DNAAF6: variants seen among roughly 807,000 people sequenced by gnomAD.
DNAAF6 encodes dynein axonemal assembly factor 6.
A neutral mutation model predicts 13.7 loss-of-function variants in DNAAF6; 3 were observed. The observed-to-expected ratio is 0.22, with a 90% confidence interval of 0.10 to 0.56. DNAAF6 has a LOEUF of 0.56. Ranked by LOEUF, DNAAF6 falls within the 20% of genes least tolerant of loss-of-function variation. The pLI is 0.92. For missense variants in DNAAF6, 130 were observed against 151.0 expected (o/e 0.86, Z 0.73); for synonymous variants, 54 against 49.2 (o/e 1.10, Z -0.41).
At chrX:107,239,028 G>T in intron 6 of DNAAF6, 21 bp downstream of exon 6, 1 of 1,185,866 alleles carries the variant, frequency 8.4e-7, no homozygotes, top group South Asian at 1.9e-5. Context: ...CTTAGAACTG[G>T]AATAGTGTAT....
In DNAAF6 at chrX:107,243,214, C is replaced by T. The variant is rs1316929311; in HGVS notation, c.561C>T (p.Ala187=). ...TLPELVECTS[A]KAFYIPETET... ...CTGAGCTGGTGGAATGTACCAGTGCCAAAGCATTCTATATCCCAGAGACTG... is the reference window on the plus strand; with the variant it reads ...CTGAGCTGGTGGAATGTACCAGTGCTAAAGCATTCTATATCCCAGAGACTG... Residue 187 remains alanine, a synonymous_variant, in exon 7 of 7, where the codon GCC becomes GCT. Coordinates refer to ENST00000372453, the MANE Select transcript of DNAAF6 (RefSeq NM_173494.2). 9 of 1,206,792 alleles carry T rather than the reference C, an allele frequency of 7.5e-6. No homozygotes were observed. The highest frequency in any genetic ancestry group is 1.0e-5 in the Non-Finnish European group (9 of 894,211).
intron 5 of DNAAF6, among the ~76,000 whole-genome samples, chrX:107,237,450 A>G (rs1332880787): frequency 3.6e-5 from 4 of 112,525 alleles, no homozygotes; most frequent in African/African-American, 1.3e-4. Context: ...TCCATCAGAA[A>G]GAGAAAGCAT....
intron 5 of DNAAF6, among the ~76,000 whole-genome samples, chrX:107,233,888 A>C (rs906656162): frequency 1.8e-5 from 2 of 112,082 alleles, no homozygotes; most frequent in African/African-American, 6.5e-5. Flanking sequence ...ACATAATAGG[A>C]GATATGAAGA....
rs1288844108 is a variant in DNAAF6, at chrX:107,238,946, A to C, written c.454A>C (p.Asn152His). 2 of 1,208,398 alleles carry C rather than the reference A, an allele frequency of 1.7e-6. No individual in the cohort carries two copies. The highest frequency in any genetic ancestry group is 2.2e-5 in the Admixed American group (1 of 45,388). The stretch of plus-strand genomic sequence containing the variant: ...GGCTAAAATTAAATTGCCAAATACA[A>C]ACCCTTCTGATATTCAAATTGATAT... ...LVAKIKLPNT[N>H]PSDIQIDIQE... The change falls in exon 6 of 7, where the codon AAC (asparagine) becomes CAC (histidine). Residue 152 changes from asparagine to histidine, a missense_variant. Physicochemically the swap from Asn to His is moderately conservative, Grantham distance 68. Transcript: ENST00000372453.
chrX:107,229,896 C>T (rs372035667), intron 5 of DNAAF6, among the ~76,000 whole-genome samples: 2 of 110,014 alleles, frequency 1.8e-5, no homozygotes, highest in East Asian at 2.9e-4. Context: ...ACCGTGTTAG[C>T]CAGGATGGTC....
chrX:107,236,683 C>T lies in DNAAF6; in HGVS notation c.430-2239C>T, dbSNP rs1928522010. The stretch of plus-strand genomic sequence containing the variant: ...TAGAACAGCAAATGATTTTAAGAAC[C>T]ATTTTAAAGTTCTACCCAGAAATTG... On this transcript the variant is annotated intron_variant, in intron 5 of 6. Coordinates refer to ENST00000372453, the MANE Select transcript of DNAAF6 (RefSeq NM_173494.2). Among the ~76,000 whole-genome samples the T allele has an allele frequency of 3.6e-5, 4 of 111,985 alleles. No homozygotes were observed. In the South Asian group the frequency reaches 1.5e-3, roughly 42 times the overall value.
intron 4 of DNAAF6, 39 bp downstream of exon 4, chrX:107,219,008 A>C: frequency 2.7e-6 from 3 of 1,123,920 alleles, no homozygotes; most frequent in Non-Finnish European, 3.5e-6. Context: ...TAGGAGTTTA[A>C]GTTAGCTGTG....
At chrX:107,240,021 G>T (rs757551661) in intron 6 of DNAAF6, among the ~76,000 whole-genome samples, 1 of 111,876 alleles carries the variant, frequency 8.9e-6, no homozygotes, top group Non-Finnish European at 1.9e-5. Context: ...ACACCATGGG[G>T]TTAATTTCCG....
chrX:107,227,899 A>G (rs1928291582), intron 5 of DNAAF6, among the ~76,000 whole-genome samples: 1 of 111,342 alleles, frequency 9.0e-6, no homozygotes, highest in Non-Finnish European at 1.9e-5. Flanking sequence ...TGTGTTTGAA[A>G]TAGGCTATGG....
intron 5 of DNAAF6, among the ~76,000 whole-genome samples, chrX:107,225,026 A>T (rs758019331): frequency 5.5e-4 from 59 of 108,126 alleles, no homozygotes; most frequent in Middle Eastern, 4.8e-3. Flanking sequence ...CAACATTCTA[A>T]AAAGGGCATT....
At chrX:107,214,033 A>C (rs765564391) in intron 2 of DNAAF6, among the ~76,000 whole-genome samples, 28 of 111,748 alleles carry the variant, frequency 2.5e-4, no homozygotes, top group African/African-American at 8.4e-4. Context: ...ACCCTAAGGA[A>C]GAGCTTAGGT....
At chrX:107,213,458 C>T (rs892885626) in intron 2 of DNAAF6, among the ~76,000 whole-genome samples, 1 of 112,037 alleles carries the variant, frequency 8.9e-6, no homozygotes, top group African/African-American at 3.2e-5. Context: ...TACACATTAA[C>T]GCAGAACAGA....
chrX:107,221,303 C>T (rs1330956966), intron 4 of DNAAF6, among the ~76,000 whole-genome samples: 1 of 109,528 alleles, frequency 9.1e-6, no homozygotes, highest in Non-Finnish European at 1.9e-5. Context: ...CGCCAACCAC[C>T]GCCCCCCCGG....
chrX:107,216,834 T>G (rs1928002388), intron 3 of DNAAF6, 91 bp downstream of exon 3: 1 of 586,612 alleles, frequency 1.7e-6, no homozygotes, highest in African/African-American at 2.3e-5. Context: ...ATACTAGTAT[T>G]TATTAAGATG....
intron 1 of DNAAF6, among the ~76,000 whole-genome samples, chrX:107,211,566 G>A (rs1274661814): frequency 8.9e-6 from 1 of 112,024 alleles, no homozygotes; most frequent in Admixed American, 9.5e-5. Flanking sequence ...AAGAATTATT[G>A]TGAATAATTT....
chrX:107,237,923 GT>G (rs1928553270), intron 5 of DNAAF6, among the ~76,000 whole-genome samples: 1 of 112,509 alleles, frequency 8.9e-6, no homozygotes. Context: ...AGAGGTTGCA[GT>G]GAGCCGAGAT....
chrX:107,219,096 G>A (rs1928063222), intron 4 of DNAAF6, 127 bp downstream of exon 4: 24 of 834,643 alleles, frequency 2.9e-5, no homozygotes, highest in Non-Finnish European at 3.6e-5. Flanking sequence ...AGTGACACAC[G>A]GAAGGCATGT....
At chrX:107,219,066 C>A (rs1021435714) in intron 4 of DNAAF6, 97 bp downstream of exon 4, 12 of 979,898 alleles carry the variant, frequency 1.2e-5, no homozygotes, top group Non-Finnish European at 1.6e-5. Flanking sequence ...AGTAACATAC[C>A]ACATAAAAGA....
intron 5 of DNAAF6, 91 bp from the exon 6 acceptor site, chrX:107,238,831 A>G: frequency 8.7e-7 from 1 of 1,143,477 alleles, no homozygotes; most frequent in African/African-American, 1.8e-5. Flanking sequence ...TTGACAATAA[A>G]TATTAGTCTC....
Sources: gnomAD v4.1 joint callset for allele counts (sites outside exome capture counted in the v4.1 genomes callset) on GRCh38, gnomAD v4.1.1 for gene constraint, MANE v1.5 for transcripts, NCBI Gene and HGNC (gene_info 2026-07-23, HGNC 2026-07-21) for gene names.